DNAH6: variants seen among roughly 807,000 people sequenced by gnomAD.
DNAH6 encodes axonemal beta dynein heavy chain 6.
Under a neutral mutation model 491.4 loss-of-function variants are expected in DNAH6, and 340 were observed. The observed-to-expected ratio is 0.69, with a 90% confidence interval of 0.63 to 0.76. The LOEUF is 0.76. Among genes scored for constraint, DNAH6 ranks in the 30% least tolerant of loss-of-function variants. DNAH6 has a pLI of 0.00. For synonymous variants in DNAH6, 1,603 were observed against 1,686.1 expected, an observed-to-expected ratio of 0.95 and a Z score of 1.21; for missense variants, 4,443 against 4,972.2, an observed-to-expected ratio of 0.89 and a Z score of 3.20.
At chr2:84,681,268 T>C in intron 41 of DNAH6, 89 bp from the exon 42 acceptor site, 3 of 1,179,986 alleles carry the variant, frequency 2.5e-6, no homozygotes, top group Non-Finnish European at 3.4e-6. Flanking sequence ...CTTTCTATTA[T>C]TAGAAAACGT....
At chr2:84,486,661 C>G in the DNAH6 span, among the ~76,000 whole-genome samples, 7 of 152,314 alleles carry the variant, frequency 4.6e-5, no homozygotes, top group South Asian at 1.4e-3. Context: ...ACTGGCTTGC[C>G]TCCTTTATTG....
At chr2:84,620,714 A>T (rs1163733758) in intron 24 of DNAH6, among the ~76,000 whole-genome samples, 3 of 152,178 alleles carry the variant, frequency 2.0e-5, no homozygotes, top group Admixed American at 6.5e-5. Context: ...AAGGGGGAAG[A>T]CCAAGGATAG....
At chr2:84,781,370 T>C in intron 64 of DNAH6, 123 bp from the exon 65 acceptor site, 1 of 841,940 alleles carries the variant, frequency 1.2e-6, no homozygotes, top group Non-Finnish European at 1.8e-6. Context: ...TGTACTCCTA[T>C]TGGAATGAGG....
chr2:84,699,423 G>C (rs989683645), intron 47 of DNAH6, among the ~76,000 whole-genome samples, 171 bp from the exon 48 acceptor site: 3 of 152,186 alleles, frequency 2.0e-5, no homozygotes, highest in African/African-American at 7.2e-5. Context: ...AATCTTTCCA[G>C]ACTGTGTGAG....
intron 46 of DNAH6, among the ~76,000 whole-genome samples, chr2:84,695,679 C>T (rs1201894712): frequency 6.6e-6 from 1 of 151,986 alleles, no homozygotes; most frequent in Non-Finnish European, 1.5e-5. Flanking sequence ...TATATCTAGA[C>T]ATGTATGCCC....
At chr2:84,669,065 T>C (rs1433231221) in intron 37 of DNAH6, among the ~76,000 whole-genome samples, 1 of 152,106 alleles carries the variant, frequency 6.6e-6, no homozygotes, top group Non-Finnish European at 1.5e-5. Flanking sequence ...CTGACATGGG[T>C]TTTAATATAA....
chr2:84,469,334 A>C, the DNAH6 span, among the ~76,000 whole-genome samples: 1 of 152,138 alleles, frequency 6.6e-6, no homozygotes, highest in Admixed American at 6.5e-5. This position sits in a 1 kb window ranked among gnomAD's most constrained non-coding sequence, Gnocchi z 4.0. Flanking sequence ...CATAAAGGAA[A>C]AAATTTTTTT....
At chr2:84,548,942 C>T (rs1679064808) in intron 8 of DNAH6, among the ~76,000 whole-genome samples, 1 of 152,306 alleles carries the variant, frequency 6.6e-6, no homozygotes, top group Non-Finnish European at 1.5e-5. Flanking sequence ...GAAGGACTTG[C>T]TCCATCTTTT....
chr2:84,777,957 C>T, intron 64 of DNAH6: 1 of 969,388 alleles, frequency 1.0e-6, no homozygotes, highest in Admixed American at 1.7e-5. Flanking sequence ...TGCTCACATG[C>T]CCAAGCAGTG....
intron 70 of DNAH6, among the ~76,000 whole-genome samples, chr2:84,802,350 A>G (rs1186983619): frequency 6.6e-6 from 1 of 152,246 alleles, no homozygotes; most frequent in Non-Finnish European, 1.5e-5. Context: ...GGCTCAAAGT[A>G]AAGGGTGGAA....
chr2:84,778,191 A>T, intron 64 of DNAH6: 1 of 700,216 alleles, frequency 1.4e-6, no homozygotes, highest in Admixed American at 2.0e-5. Context: ...CCTGTAGAAG[A>T]TTATGAATCA....
At chr2:84,595,423 A>G (rs1684484765) in intron 17 of DNAH6, among the ~76,000 whole-genome samples, 1 of 152,214 alleles carries the variant, frequency 6.6e-6, no homozygotes, top group South Asian at 2.1e-4. Flanking sequence ...GAAATAAATT[A>G]CGGAGATTCC....
intron 4 of DNAH6, among the ~76,000 whole-genome samples, chr2:84,538,047 C>T (rs1677868482): frequency 6.6e-6 from 1 of 151,958 alleles, no homozygotes; most frequent in African/African-American, 2.4e-5. Context: ...ATTGATATAC[C>T]CATTTTACAA....
intron 51 of DNAH6, among the ~76,000 whole-genome samples, chr2:84,704,939 C>G (rs987396423): frequency 6.6e-6 from 1 of 152,130 alleles, no homozygotes; most frequent in African/African-American, 2.4e-5. Flanking sequence ...TTCCCACTGA[C>G]CCTTAAACTG....
At chr2:84,467,800 C>T in the DNAH6 span, among the ~76,000 whole-genome samples, 1 of 152,162 alleles carries the variant, frequency 6.6e-6, no homozygotes, top group Non-Finnish European at 1.5e-5. Flanking sequence ...CTTTGTGTAG[C>T]TAGGGGACAT....
intron 68 of DNAH6, among the ~76,000 whole-genome samples, chr2:84,791,492 G>T (rs1677738193): frequency 6.6e-6 from 1 of 151,938 alleles, no homozygotes; most frequent in Admixed American, 6.6e-5. Context: ...TATAGAGATG[G>T]AAAGTAGTTC....
chr2:84,625,012 T>C lies in DNAH6; in HGVS notation c.4464T>C (p.Ala1488=), dbSNP rs757970617. The C allele has an allele frequency of 4.5e-6, 7 of 1,551,608 alleles. No homozygotes were observed. The highest frequency in any genetic ancestry group is 6.1e-6 in the Non-Finnish European group (7 of 1,146,912). Residue 1488 remains alanine, a synonymous_variant, in exon 29 of 77, where the codon GCT becomes GCC. Transcript: ENST00000389394. ...KTETTKDLAK[A]LAIQCVVFNC... is the part of the protein sequence containing the mutation. ...AGACTACCAAAGATCTGGCAAAAGC[T>C]CTTGCCATCCAGTGTGTGGTCTTTA... is the stretch of plus-strand genomic sequence containing the variant.
At chr2:84,573,640 GT>G (rs1682124095) in intron 12 of DNAH6, 53 bp downstream of exon 12, 1 of 1,462,790 alleles carries the variant, frequency 6.8e-7, no homozygotes, top group Non-Finnish European at 9.0e-7. Context: ...ACTGAGATTT[GT>G]TGTTTTTTAG....
intron 37 of DNAH6, among the ~76,000 whole-genome samples, chr2:84,665,827 A>C (rs192894684): frequency 3.5e-4 from 54 of 152,322 alleles, no homozygotes; most frequent in African/African-American, 1.3e-3. Context: ...AATATCCCTG[A>C]TGAACACTGA....
Sources: allele counts gnomAD v4.1 joint callset (sites outside exome capture counted in the v4.1 genomes callset), GRCh38; gene constraint gnomAD v4.1.1; non-coding constraint Gnocchi (gnomAD v3.1); transcripts MANE v1.5; gene names NCBI Gene and HGNC (gene_info 2026-07-23, HGNC 2026-07-21).